MUC5B: variants seen among roughly 807,000 people sequenced by gnomAD.
The protein encoded by MUC5B is mucin 5B, oligomeric mucus/gel-forming, also known as mucin-5B.
MUC5B carries 116 observed loss-of-function variants against 376.9 expected under a neutral mutation model. That is an observed-to-expected ratio of 0.31 (90% CI 0.26 to 0.36). The LOEUF (loss-of-function observed/expected upper bound fraction) is 0.36. Ranked by LOEUF, MUC5B falls within the 10% of genes least tolerant of loss-of-function variation. The pLI is 1.00. For synonymous variants in MUC5B, 3,517 were observed against 3,390.9 expected, an observed-to-expected ratio of 1.04 and a Z score of -1.29; for missense variants, 7,165 against 7,769.9, an observed-to-expected ratio of 0.92 and a Z score of 2.93.
intron 24 of MUC5B, 30 bp downstream of exon 24, chr11:1,236,592 T>C: frequency 6.3e-7 from 1 of 1,595,492 alleles, no homozygotes; most frequent in African/African-American, 1.3e-5. Flanking sequence ...TCCTAGGCCC[T>C]GCAGGACCCT....
Position 1,259,913 on chromosome 11 carries a change from G to A in MUC5B, c.16801-50G>A, listed in dbSNP as rs771413558. The A allele has an allele frequency of 3.7e-6, 6 of 1,612,270 alleles. No homozygotes were observed. In the East Asian group the frequency reaches 1.3e-4, roughly 36 times the overall value. On this transcript the variant is annotated intron_variant, in intron 45 of 48. Transcript: ENST00000529681. ...AGACCCTCACCCCCAATGGGGCTCT[G>A]CACAAGAGGTAATCCCTACTCAGCT...
intron 48 of MUC5B, 55 bp from the exon 49 acceptor site, chr11:1,261,334 G>T: frequency 6.8e-7 from 1 of 1,479,980 alleles, no homozygotes; most frequent in Non-Finnish European, 9.1e-7. Flanking sequence ...CCATGGCTGG[G>T]CAGAGAAACG....
chr11:1,236,580 A>C lies in MUC5B; in HGVS notation c.3057+18A>C. On this transcript the variant is annotated intron_variant, in intron 24 of 48. Coordinates refer to ENST00000529681, the MANE Select transcript of MUC5B (RefSeq NM_002458.3). ...ACTACAAGGTGAGCTCGGGCCGTGCACTCCTAGGCCCTGCAGGACCCTCTC... is the reference window on the plus strand; with the variant it reads ...ACTACAAGGTGAGCTCGGGCCGTGCCCTCCTAGGCCCTGCAGGACCCTCTC... The C allele has an allele frequency of 6.2e-7, 1 of 1,608,086 alleles. No individual in the cohort carries two copies. The highest frequency in any genetic ancestry group is 8.5e-7 in the Non-Finnish European group (1 of 1,176,930).
Position 1,241,880 on chromosome 11 carries a change from G to A in MUC5B, c.5000G>A (p.Gly1667Asp). Residue 1667 changes from glycine (G) to aspartate (D), a missense_variant, in exon 31 of 49, where the codon GGT (glycine) becomes GAT (aspartate). Transcript: ENST00000529681. ...TCCCCCAGATACACAAGCACCCTTG[G>A]TACAGCCACCACGGGAGGCCCCACG... is the stretch of plus-strand genomic sequence containing the variant. ...LTSPRYTSTLGTATTGGPTTP... is the reference protein window; with the variant it reads ...LTSPRYTSTLDTATTGGPTTP... 1 of 1,612,744 alleles carries A rather than the reference G, an allele frequency of 6.2e-7. No homozygotes were observed. The highest frequency in any genetic ancestry group is 8.5e-7 in the Non-Finnish European group (1 of 1,179,520).
chr11:1,257,486 G>A lies in MUC5B; in HGVS notation c.16270-44G>A, dbSNP rs1862870829. 1.3e-6 allele frequency: 2 copies of A among 1,594,472 alleles called. No individual in the cohort carries two copies. Among genetic ancestry groups the A allele is most frequent in the Non-Finnish European group, 1.7e-6 (2 of 1,169,958 alleles). Reference sequence around the variant, plus strand: ...CTGGACAGATGCCCAGGGTTGACCTGTGTCTGTCCAGGAGCCCTCAGGGAC... The same window carrying A: ...CTGGACAGATGCCCAGGGTTGACCTATGTCTGTCCAGGAGCCCTCAGGGAC... On this transcript the variant is annotated intron_variant, in intron 40 of 48. Coordinates refer to ENST00000529681, the MANE Select transcript of MUC5B (RefSeq NM_002458.3). This position sits in a 1 kb window ranked among gnomAD's most constrained non-coding sequence, Gnocchi z 8.9.
In MUC5B at chr11:1,230,957, G is replaced by A. The variant is rs368620070; in HGVS notation, c.1492G>A (p.Gly498Ser). 68 of 1,595,844 alleles carry A rather than the reference G, an allele frequency of 4.3e-5. No individual in the cohort carries two copies. In the African/African-American group the frequency reaches 5.8e-4, roughly 14 times the overall value. ...GDTAIRVQAD[G>S]GVFLNSIYTQ... ...GCAGGCCATCCGGGTCCAAGCGGAC[G>A]GCGGCGTGTTCCTCAACTCCATCTA... The change falls in exon 13 of 49, where the codon GGC becomes AGC. Residue 498 changes from glycine (G) to serine (S), a missense_variant. Physicochemically the swap from Gly to Ser is moderately conservative, Grantham distance 56. Coordinates refer to ENST00000529681, the MANE Select transcript of MUC5B (RefSeq NM_002458.3).
At chr11:1,232,343 G>A (rs973687232) in intron 15 of MUC5B, 107 bp from the exon 16 acceptor site, 188 of 1,400,918 alleles carry the variant, frequency 1.3e-4, no homozygotes, top group Non-Finnish European at 1.6e-4. Flanking sequence ...CAGGTGAGCC[G>A]CAAATTCCAA....
At chr11:1,256,463 G>GGCC in intron 38 of MUC5B, 7 of 505,896 alleles carry the variant, frequency 1.4e-5, no homozygotes, top group South Asian at 2.4e-5. Context: ...CCGCCACCGA[G>GGCC]CCCCACCCAT....
At chr11:1,225,997 CAT>C (rs1455797098) in intron 2 of MUC5B, among the ~76,000 whole-genome samples, 9 of 152,276 alleles carry the variant, frequency 5.9e-5, no homozygotes, top group Admixed American at 1.3e-4. Context: ...CTGGCACACA[CAT>C]GTGTGCACAC....
At position 1,230,331 on chromosome 11, in the gene MUC5B, C is replaced by T. The variant is rs536620794; in HGVS notation, c.1360-159C>T. Among the ~76,000 whole-genome samples, 12 of 152,300 alleles carry T rather than the reference C, an allele frequency of 7.9e-5. No homozygotes were observed. In the East Asian group the frequency reaches 1.9e-3, roughly 25 times the overall value. On this transcript the variant is annotated intron_variant, in intron 11 of 48. Coordinates refer to ENST00000529681, the MANE Select transcript of MUC5B (RefSeq NM_002458.3). Reference sequence around the variant, plus strand: ...GCTGAGCGGCATGGGGCCAAGGAGCCCCCAGGCCCTGAGACAAGCTGCTGG... The same window carrying T: ...GCTGAGCGGCATGGGGCCAAGGAGCTCCCAGGCCCTGAGACAAGCTGCTGG...
chr11:1,242,609 C>T lies in MUC5B; in HGVS notation c.5729C>T (p.Pro1910Leu), dbSNP rs200669107. 7.1e-5 allele frequency: 114 copies of T among 1,613,610 alleles called. No homozygotes were observed. The East Asian group carries it at 2.0e-3, about 28-fold the overall frequency. Residue 1910 changes from proline (P) to leucine (L), a missense_variant, in exon 31 of 49, where the codon CCG (proline) becomes CTG (leucine). Pro to Leu is a moderately conservative substitution (Grantham distance 98). Coordinates refer to ENST00000529681, the MANE Select transcript of MUC5B (RefSeq NM_002458.3). ...TPGTTWILTKPTTTATTTAST... is the reference protein window; with the variant it reads ...TPGTTWILTKLTTTATTTAST... ...GGGACGACCTGGATCCTCACAAAGC[C>T]GACCACAACAGCCACTACGACTGCG...
At position 1,246,846 on chromosome 11, in the gene MUC5B, C is replaced by T. The variant is rs759713271; in HGVS notation, c.9966C>T (p.Ser3322=). The T allele has an allele frequency of 3.1e-6, 5 of 1,610,638 alleles. No homozygotes were observed. The highest frequency in any genetic ancestry group is 4.2e-6 in the Non-Finnish European group (5 of 1,178,116). The change falls in exon 31 of 49, where the codon TCC becomes TCT. Residue 3322 remains serine, a synonymous_variant. Coordinates refer to ENST00000529681, the MANE Select transcript of MUC5B (RefSeq NM_002458.3). ...CGGGCTTCACAGCCACCCCCTCCTC[C>T]AGCCCAGGGACGGCACTCACGCCTC... ...TTTGFTATPS[S]SPGTALTPPV...
At chr11:1,230,209 C>G in intron 11 of MUC5B, 66 bp downstream of exon 11, 1 of 1,519,496 alleles carries the variant, frequency 6.6e-7, no homozygotes, top group South Asian at 1.3e-5. Flanking sequence ...CACTTCCACC[C>G]AGGGGAGGCC....
chr11:1,252,385 T>G lies in MUC5B; in HGVS notation c.14906T>G (p.Phe4969Cys). 1 of 1,599,064 alleles carries G rather than the reference T, an allele frequency of 6.3e-7. No individual in the cohort carries two copies. Among genetic ancestry groups the G allele is most frequent in the Non-Finnish European group, 8.5e-7 (1 of 1,173,038 alleles). ...AAGACCGACCGAGCCGGCTGCCATTTCTACGCAGTGTGCAATCAGCACTGT... is the reference window on the plus strand; with the variant it reads ...AAGACCGACCGAGCCGGCTGCCATTGCTACGCAGTGTGCAATCAGCACTGT... ...YNKTDRAGCH[F>C]YAVCNQHCDI... Residue 4969 changes from phenylalanine to cysteine, a missense_variant, in exon 32 of 49, where the codon TTC becomes TGC. Phe to Cys is a radical substitution (Grantham distance 205, BLOSUM62 -2). This residue lies in a region of MUC5B where 730 missense variants were observed against 592.7 expected (regional missense o/e 1.23). Transcript: ENST00000529681.
chr11:1,258,590 A>G lies in MUC5B; in HGVS notation c.16593+223A>G, dbSNP rs751847968. Among the ~76,000 whole-genome samples, 59 of 152,100 alleles carry G rather than the reference A, an allele frequency of 3.9e-4. 1 individual carries two copies. Among genetic ancestry groups the G allele is most frequent in the Non-Finnish European group, 7.4e-4 (50 of 67,978 alleles). On this transcript the variant is annotated intron_variant, in intron 43 of 48. Coordinates refer to ENST00000529681, the MANE Select transcript of MUC5B (RefSeq NM_002458.3). The surrounding 1 kb of genome is among the most constrained non-coding windows in gnomAD (Gnocchi z 5.5). ...ACTGCTGCCTCTGAGAGGTCCCTTCAGGGGCTCCCAGCAACAGCCTGGGGG... is the reference window on the plus strand; with the variant it reads ...ACTGCTGCCTCTGAGAGGTCCCTTCGGGGGCTCCCAGCAACAGCCTGGGGG...
intron 9 of MUC5B, 137 bp from the exon 10 acceptor site, chr11:1,229,553 G>A: frequency 4.7e-6 from 4 of 842,966 alleles, no homozygotes; most frequent in Non-Finnish European, 7.3e-6. Context: ...ATCCAAGCGA[G>A]TGCAGCTCAG....
chr11:1,230,171 C>T (rs55826145), intron 11 of MUC5B, 28 bp downstream of exon 11: 1 of 1,565,486 alleles, frequency 6.4e-7, no homozygotes, highest in Admixed American at 1.8e-5. Flanking sequence ...GGTCTTCAGA[C>T]ACCCAGACCC....
intron 34 of MUC5B, 44 bp downstream of exon 34, chr11:1,254,395 C>A: frequency 6.3e-7 from 1 of 1,589,098 alleles, no homozygotes; most frequent in East Asian, 2.2e-5. Flanking sequence ...CCAGTCCCAA[C>A]CGCACCTGGG....
chr11:1,255,499 A>G lies in MUC5B; in HGVS notation c.16007A>G (p.Glu5336Gly). The change falls in exon 37 of 49, where the codon GAG (glutamate) becomes GGG (glycine). Residue 5336 changes from glutamate to glycine, a missense_variant. Physicochemically the swap from Glu to Gly is moderately conservative, Grantham distance 98 (BLOSUM62 -2). Coordinates refer to ENST00000529681, the MANE Select transcript of MUC5B (RefSeq NM_002458.3). ...VPCQSLEAYAELCRARGVCSD... is the reference protein window; with the variant it reads ...VPCQSLEAYAGLCRARGVCSD... ...TGCCAGAGCCTGGAGGCTTACGCAG[A>G]GCTCTGCCGCGCCCGGGGAGTGTGC... is the stretch of plus-strand genomic sequence containing the variant. 6.4e-7 allele frequency: 1 copy of G among 1,564,630 alleles called. No homozygotes were observed. Among genetic ancestry groups the G allele is most frequent in the Non-Finnish European group, 8.7e-7 (1 of 1,155,378 alleles).
Sources: gnomAD v4.1 joint callset for allele counts (sites outside exome capture counted in the v4.1 genomes callset) on GRCh38, gnomAD v4.1.1 for gene constraint, gnomAD v4.1.1 regional missense constraint, Gnocchi (gnomAD v3.1) non-coding constraint, MANE v1.5 for transcripts, NCBI Gene and HGNC (gene_info 2026-07-23, HGNC 2026-07-21) for gene names.